ACOT7: variants seen among roughly 807,000 people sequenced by gnomAD.
The protein encoded by ACOT7 is acyl-CoA thioesterase 7.
A neutral mutation model predicts 40.2 loss-of-function variants in ACOT7; 12 were observed. The observed-to-expected ratio is 0.30, with a 90% CI of 0.19 to 0.48. The LOEUF (loss-of-function observed/expected upper bound fraction) is 0.48, where lower values mean the gene tolerates loss of function less well. Among genes scored for constraint, ACOT7 ranks in the 20% least tolerant of loss-of-function variants. ACOT7 has a pLI of 0.99. For synonymous variants in ACOT7, 228 were observed against 219.5 expected (o/e 1.04, Z -0.34); for missense variants, 395 against 530.8 (o/e 0.74, Z 2.51).
chr1:6,323,740 AT>A lies in ACOT7; in HGVS notation c.625+3558del, dbSNP rs1640722530. Among the ~76,000 whole-genome samples, 262 of 77,902 alleles carry A rather than the reference AT, an allele frequency of 3.4e-3. 2 individuals are homozygous for A. The highest frequency in any genetic ancestry group is 0.019 in the African/African-American group (236 of 12,352). 51.1% of individuals were successfully genotyped at this position (77,902 alleles called of 152,430 possible). On this transcript the variant is annotated intron_variant, in intron 5 of 8. Transcript: ENST00000361521. Reference sequence around the variant, plus strand: ...TCAAAAAAAAAAAAAAAAAAAAAATATATATATATATATATATATATATATA... The same window carrying A: ...TCAAAAAAAAAAAAAAAAAAAAAATAATATATATATATATATATATATATA...
At chr1:6,319,702 T>C (rs554135307) in intron 5 of ACOT7, among the ~76,000 whole-genome samples, 18 of 152,354 alleles carry the variant, frequency 1.2e-4, no homozygotes, top group Non-Finnish European at 2.1e-4. Flanking sequence ...GCCTCATCCC[T>C]GGCGCTTGCG....
intron 2 of ACOT7, among the ~76,000 whole-genome samples, chr1:6,346,654 A>G (rs1641432914): frequency 6.6e-6 from 1 of 152,244 alleles, no homozygotes; most frequent in African/African-American, 2.4e-5. Flanking sequence ...CCCTGACTCC[A>G]CATCTCCCTG....
intron 1 of ACOT7, among the ~76,000 whole-genome samples, chr1:6,353,440 C>T (rs1641652102): frequency 6.6e-6 from 1 of 152,144 alleles, no homozygotes; most frequent in Non-Finnish European, 1.5e-5. Context: ...TCAGGACTTG[C>T]CTGGCCAAAA....
At chr1:6,281,382 TA>T in intron 7 of ACOT7, 96 bp from the exon 8 acceptor site, 3 of 1,108,768 alleles carry the variant, frequency 2.7e-6, no homozygotes, top group Non-Finnish European at 4.0e-6. Flanking sequence ...GACACTTGGT[TA>T]GGGGAAGCAG....
At chr1:6,378,293 G>T (rs996218183) in intron 1 of ACOT7, among the ~76,000 whole-genome samples, 1 of 151,612 alleles carries the variant, frequency 6.6e-6, no homozygotes. Context: ...TGGTGGCCGG[G>T]GTGCTCCTCG....
In ACOT7 at chr1:6,306,971, C is replaced by T. The variant is rs896475920; in HGVS notation, c.712+11521G>A. 71 of 1,249,796 alleles carry T rather than the reference C, an allele frequency of 5.7e-5. No individual in the cohort carries two copies. The African/African-American group carries it at 8.8e-4, about 15-fold the overall frequency. 77.4% of individuals were successfully genotyped at this position (1,249,796 alleles called of 1,614,324 possible). Reference sequence around the variant, plus strand: ...TTGGTGGAGGCCTCACTTGCGTCCCCTCCCATGTTTTCTCTGCCTTCCCTT... The same window carrying T: ...TTGGTGGAGGCCTCACTTGCGTCCCTTCCCATGTTTTCTCTGCCTTCCCTT... On this transcript the variant is annotated intron_variant, in intron 6 of 8. Coordinates refer to ENST00000361521, the MANE Select transcript of ACOT7 (RefSeq NM_007274.4). This position sits in a 1 kb window ranked among gnomAD's most constrained non-coding sequence, Gnocchi z 4.3.
chr1:6,354,658 C>G (rs867418675), intron 1 of ACOT7, among the ~76,000 whole-genome samples: 2 of 141,962 alleles, frequency 1.4e-5, no homozygotes, highest in African/African-American at 5.3e-5. Flanking sequence ...CCTCTCACCC[C>G]CCGTGGCCGC....
intron 1 of ACOT7, among the ~76,000 whole-genome samples, chr1:6,383,948 C>T (rs1428016760): frequency 6.6e-6 from 1 of 151,350 alleles, no homozygotes; most frequent in African/African-American, 2.4e-5. Flanking sequence ...TCGTGATCCG[C>T]CCGCCTCGGC....
chr1:6,318,508 G>T lies in ACOT7; in HGVS notation c.696C>A (p.His232Gln), dbSNP rs202168775. 8.1e-6 allele frequency: 13 copies of T among 1,614,050 alleles called. No individual in the cohort carries two copies. The highest frequency in any genetic ancestry group is 1.0e-5 in the Non-Finnish European group (12 of 1,179,972). ...HLVGPSDCTL[H>Q]GFVHGGVTMK... The stretch of plus-strand genomic sequence containing the variant: ...CCTTCTTACCTCCGTGCACAAAGCC[G>T]TGCAGGGTGCAGTCTGAAGGCCCCA... The change falls in exon 6 of 9, where the codon CAC (histidine) becomes CAA (glutamine). Residue 232 changes from histidine to glutamine, a missense_variant. This residue lies in a region of ACOT7 where 309 missense variants were observed against 470.3 expected (regional missense o/e 0.66). Coordinates refer to ENST00000361521, the MANE Select transcript of ACOT7 (RefSeq NM_007274.4).
intron 2 of ACOT7, among the ~76,000 whole-genome samples, chr1:6,342,041 C>T (rs563254246): frequency 3.2e-4 from 49 of 152,310 alleles, no homozygotes; most frequent in African/African-American, 1.1e-3. Flanking sequence ...GTTCGTTGGG[C>T]TGCCAGAACA....
chr1:6,370,014 G>T lies in ACOT7; in HGVS notation c.144-20148C>A, dbSNP rs573044148. Among the ~76,000 whole-genome samples, 4 of 152,294 alleles carry T rather than the reference G, an allele frequency of 2.6e-5. No individual in the cohort carries two copies. In the East Asian group the frequency reaches 7.7e-4, roughly 29 times the overall value. On this transcript the variant is annotated intron_variant, in intron 1 of 8. Coordinates refer to ENST00000361521, the MANE Select transcript of ACOT7 (RefSeq NM_007274.4). The stretch of plus-strand genomic sequence containing the variant: ...CATGTTGAAATTCAATCCCAATGTT[G>T]GAGGCAGGACCTAATAGGAAGTGTT...
chr1:6,385,849 C>CG, intron 1 of ACOT7: 1 of 1,409,166 alleles, frequency 7.1e-7, no homozygotes, highest in South Asian at 1.5e-5. Context: ...GCCGCCTCCT[C>CG]GGCTTCCGGA....
In ACOT7 at chr1:6,275,652, G is replaced by A. The variant is rs929881151; in HGVS notation, c.1014+5450C>T. ...GAATCGTTTGAACCCGGGAGGCAGC[G>A]GTTGCAGTGAGCCGAGATCCAGCCA... On this transcript the variant is annotated intron_variant, in intron 8 of 8. Coordinates refer to ENST00000361521, the MANE Select transcript of ACOT7 (RefSeq NM_007274.4). This position sits in a 1 kb window ranked among gnomAD's most constrained non-coding sequence, Gnocchi z 5.6. Among the ~76,000 whole-genome samples, 9 of 151,016 alleles carry A rather than the reference G, an allele frequency of 6.0e-5. No individual in the cohort carries two copies. The highest frequency in any genetic ancestry group is 4.0e-4 in the Admixed American group (6 of 15,150).
At chr1:6,307,656 C>A (rs1361789259) in intron 6 of ACOT7, among the ~76,000 whole-genome samples, 1 of 151,984 alleles carries the variant, frequency 6.6e-6, no homozygotes, top group Non-Finnish European at 1.5e-5. Context: ...AGCAACCAGG[C>A]AGAGGGAACA....
intron 8 of ACOT7, among the ~76,000 whole-genome samples, chr1:6,266,884 T>G (rs1231630289): frequency 6.6e-6 from 1 of 151,884 alleles, no homozygotes; most frequent in African/African-American, 2.4e-5. Context: ...CCTGGTGGGG[T>G]TGGTACTGGG....
At chr1:6,335,531 T>A (rs11801103) in intron 3 of ACOT7, among the ~76,000 whole-genome samples, 13,028 of 151,880 alleles carry the variant, frequency 0.086, 957 homozygotes, top group African/African-American at 0.19. Context: ...ATGTGGAAGA[T>A]CCTCACTATA....
chr1:6,308,834 G>GAAAAGTGACTGGGCGGAGGC (rs1640250196), intron 6 of ACOT7, among the ~76,000 whole-genome samples: 1 of 152,220 alleles, frequency 6.6e-6, no homozygotes, highest in African/African-American at 2.4e-5. Context: ...TGGGCGGAGG[G>GAAAAGTGACTGGGCGGAGGC]AACAGCGACC....
chr1:6,346,560 G>A (rs1460528889), intron 2 of ACOT7, among the ~76,000 whole-genome samples: 1 of 152,246 alleles, frequency 6.6e-6, no homozygotes, highest in Non-Finnish European at 1.5e-5. Flanking sequence ...AGCCGCGCTA[G>A]GCAGAGACAG....
chr1:6,337,750 G>A (rs1301252316), intron 3 of ACOT7, among the ~76,000 whole-genome samples: 1 of 152,152 alleles, frequency 6.6e-6, no homozygotes, highest in Non-Finnish European at 1.5e-5. Flanking sequence ...CGAGGCAGCT[G>A]GATCACCTGA....
Sources: allele counts gnomAD v4.1 joint callset (sites outside exome capture counted in the v4.1 genomes callset), GRCh38; gene constraint gnomAD v4.1.1; regional missense constraint gnomAD v4.1.1; non-coding constraint Gnocchi (gnomAD v3.1); transcripts MANE v1.5; gene names NCBI Gene and HGNC (gene_info 2026-07-23, HGNC 2026-07-21).